The following CUL1 variants were observed in gnomAD, a reference collection of about 807,000 sequenced individuals.
CUL1 encodes the protein cullin-1.
Under a neutral mutation model 118.0 loss-of-function variants are expected in CUL1, and 24 were observed. The ratio of observed to expected loss-of-function variants is 0.20; its 90% CI spans 0.15 to 0.29. The LOEUF is 0.29. Among genes scored for constraint, CUL1 ranks in the 10% least tolerant of loss-of-function variants. CUL1 has a pLI of 1.00. For synonymous variants in CUL1, 332 were observed against 340.4 expected, an observed-to-expected ratio of 0.98 and a Z score of 0.27; for missense variants, 361 against 933.8, an observed-to-expected ratio of 0.39 and a Z score of 7.99.
chr7:148,747,364 A>T (rs1216596001), intron 2 of CUL1, among the ~76,000 whole-genome samples: 2 of 152,210 alleles, frequency 1.3e-5, no homozygotes, highest in African/African-American at 4.8e-5. Flanking sequence ...CACAAAAGTA[A>T]GAGGGAATTC....
chr7:148,785,246 G>A (rs982123130), intron 11 of CUL1, among the ~76,000 whole-genome samples: 3 of 152,146 alleles, frequency 2.0e-5, no homozygotes, highest in Admixed American at 1.3e-4. Context: ...AGAAATGAGA[G>A]GGGACTTTAA....
At chr7:148,709,253 A>G (rs1015032060) in intron 1 of CUL1, among the ~76,000 whole-genome samples, 7 of 152,250 alleles carry the variant, frequency 4.6e-5, no homozygotes, top group African/African-American at 1.2e-4. Flanking sequence ...GTATATGCGC[A>G]TACATACTCT....
At chr7:148,724,692 G>C (rs1798504199) in intron 1 of CUL1, among the ~76,000 whole-genome samples, 1 of 152,198 alleles carries the variant, frequency 6.6e-6, no homozygotes, top group African/African-American at 2.4e-5. Context: ...CCAGCCACCT[G>C]TGTGTCCAAG....
chr7:148,786,723 T>G, intron 12 of CUL1, 124 bp downstream of exon 12: 1 of 896,900 alleles, frequency 1.1e-6, no homozygotes, highest in Non-Finnish European at 1.7e-6. Flanking sequence ...TTTGAATCTC[T>G]GGTTTTACTT....
chr7:148,785,423 A>G (rs1454787989), intron 11 of CUL1, among the ~76,000 whole-genome samples: 4 of 151,962 alleles, frequency 2.6e-5, no homozygotes, highest in African/African-American at 7.3e-5. Context: ...CAGTGGCACA[A>G]TCTCGGCTCA....
chr7:148,724,350 C>T (rs1798490803), intron 1 of CUL1, among the ~76,000 whole-genome samples: 1 of 152,154 alleles, frequency 6.6e-6, no homozygotes, highest in Admixed American at 6.5e-5. Flanking sequence ...TATATGACTG[C>T]TTTTCTTCTG....
At chr7:148,779,391 C>CT (rs1317679510) in intron 9 of CUL1, among the ~76,000 whole-genome samples, 2 of 152,244 alleles carry the variant, frequency 1.3e-5, no homozygotes, top group East Asian at 3.9e-4. Flanking sequence ...TTTGGGAAGT[C>CT]TTAACAGGGC....
chr7:148,753,146 C>A (rs1039211985), intron 2 of CUL1, among the ~76,000 whole-genome samples: 9 of 152,138 alleles, frequency 5.9e-5, no homozygotes, highest in African/African-American at 2.2e-4. Flanking sequence ...ATTAGATAAT[C>A]TATCTTTTAC....
At chr7:148,754,193 T>A in intron 3 of CUL1, 43 bp downstream of exon 3, 2 of 1,290,888 alleles carry the variant, frequency 1.5e-6, no homozygotes, top group African/African-American at 1.5e-5. Flanking sequence ...TAACAGGATA[T>A]AAAAAAAGTG....
At chr7:148,731,210 T>C (rs1798753676) in intron 2 of CUL1, among the ~76,000 whole-genome samples, 1 of 152,206 alleles carries the variant, frequency 6.6e-6, no homozygotes, top group South Asian at 2.1e-4. Flanking sequence ...CTTGATTCCA[T>C]ACAAATATGA....
At chr7:148,738,286 G>A (rs879617566) in intron 2 of CUL1, among the ~76,000 whole-genome samples, 8 of 152,178 alleles carry the variant, frequency 5.3e-5, no homozygotes, top group South Asian at 2.1e-4. Flanking sequence ...TCACACACAT[G>A]GTACCTGGCA....
chr7:148,753,071 C>A (rs188630505), intron 2 of CUL1, among the ~76,000 whole-genome samples: 5 of 152,268 alleles, frequency 3.3e-5, no homozygotes, highest in Admixed American at 2.0e-4. Context: ...AAATCTTAAT[C>A]CATTTGTAAT....
At chr7:148,719,600 C>T (rs949174658) in intron 1 of CUL1, among the ~76,000 whole-genome samples, 17 of 152,136 alleles carry the variant, frequency 1.1e-4, no homozygotes, top group Non-Finnish European at 2.2e-4. Context: ...TGGTCCCTGT[C>T]CTGGCATCTT....
At chr7:148,791,381 G>A (rs1584821609) in intron 16 of CUL1, among the ~76,000 whole-genome samples, 1 of 152,210 alleles carries the variant, frequency 6.6e-6, no homozygotes, top group African/African-American at 2.4e-5. Flanking sequence ...TAAATCTACT[G>A]TGACTTAAAA....
At chr7:148,792,677 C>T in intron 16 of CUL1, 49 bp from the exon 17 acceptor site, 1 of 1,361,314 alleles carries the variant, frequency 7.3e-7, no homozygotes, top group Non-Finnish European at 1.0e-6. Context: ...GAGGTGTTTC[C>T]ATGCATGTAA....
In CUL1 at chr7:148,698,984, C is replaced by A; in HGVS notation, c.-207C>A. On this transcript the variant is annotated 5_prime_UTR_variant, in exon 1 of 22. Transcript: ENST00000325222. ...TTCGCCGGGGCCCAGGCCCAGGGAC[C>A]AGGCGGAGGCGTCGCGGGAGCCTTT... 1 of 153,662 alleles carries A rather than the reference C, an allele frequency of 6.5e-6. No homozygotes were observed. The highest frequency in any genetic ancestry group is 1.8e-4 in the South Asian group (1 of 5,612). 9.5% of individuals were successfully genotyped at this position (153,662 alleles called of 1,614,324 possible). A position where few individuals can be genotyped will look rare whatever the true frequency, so the allele number is the denominator to read the frequency against.
intron 12 of CUL1, 131 bp downstream of exon 12, chr7:148,786,730 A>G (rs1387119541): frequency 3.4e-6 from 3 of 876,816 alleles, no homozygotes; most frequent in Non-Finnish European, 5.3e-6. Context: ...CTCTGGTTTT[A>G]CTTCCTAAAT....
intron 2 of CUL1, among the ~76,000 whole-genome samples, chr7:148,737,195 T>C (rs193087398): frequency 1.3e-5 from 2 of 152,300 alleles, no homozygotes; most frequent in Admixed American, 1.3e-4. Flanking sequence ...AGTGATTTTT[T>C]TTTTTTTTGG....
At chr7:148,767,449 A>G (rs1047970202) in intron 8 of CUL1, among the ~76,000 whole-genome samples, 170 bp from the exon 9 acceptor site, 5 of 152,168 alleles carry the variant, frequency 3.3e-5, no homozygotes, top group African/African-American at 2.4e-5. Flanking sequence ...CAAAATATAC[A>G]TATACCAAAT....
Sources: gnomAD v4.1 joint callset for allele counts (sites outside exome capture counted in the v4.1 genomes callset) on GRCh38, gnomAD v4.1.1 for gene constraint, MANE v1.5 for transcripts, NCBI Gene and HGNC (gene_info 2026-07-23, HGNC 2026-07-21) for gene names.